DDOST: variants seen among roughly 807,000 people sequenced by gnomAD.
DDOST encodes dolichyl-diphosphooligosaccharide--protein glycosyltransferase 48 kDa subunit.
DDOST carries 25 observed loss-of-function variants against 47.6 expected under a neutral mutation model. The observed-to-expected ratio is 0.53, with a 90% confidence interval of 0.38 to 0.73. DDOST has a LOEUF of 0.73. DDOST is among the 30% of genes least tolerant of loss of function. The pLI, the probability that DDOST is intolerant of heterozygous loss-of-function variation, is 0.00. For missense variants in DDOST, 526 were observed against 573.9 expected, an observed-to-expected ratio of 0.92 and a Z score of 0.85; for synonymous variants, 275 against 236.0, an observed-to-expected ratio of 1.17 and a Z score of -1.51.
At chr1:20,653,556 T>TAA in intron 8 of DDOST, 71 bp downstream of exon 8, 1 of 1,461,730 alleles carries the variant, frequency 6.8e-7, no homozygotes, top group Non-Finnish European at 9.2e-7. Flanking sequence ...AAGTGTTCAA[T>TAA]AAGTGCTTCT....
At chr1:20,654,590 G>T in intron 6 of DDOST, 24 bp downstream of exon 6, 1 of 1,535,556 alleles carries the variant, frequency 6.5e-7, no homozygotes, top group Non-Finnish European at 8.8e-7. Flanking sequence ...TTATTTCGAA[G>T]CCTCAAGGTT....
In DDOST at chr1:20,655,722, GTT is replaced by G; in HGVS notation, c.408_409del (p.Lys136AsnfsTer5). 1 of 1,614,146 alleles carries G rather than the reference GTT, an allele frequency of 6.2e-7. No individual in the cohort carries two copies. Among genetic ancestry groups the G allele is most frequent in the South Asian group, 1.1e-5 (1 of 91,088 alleles). On this transcript the variant is annotated frameshift_variant, in exon 4 of 11. Coordinates refer to ENST00000602624, the MANE Select transcript of DDOST (RefSeq NM_005216.5). LOFTEE classifies it high-confidence loss of function. ...ATAGTTGTGATGGTCAATGACAGCC[GTT>G]TTCTCCTCGTCAAACTCAATCCCGC...
intron 2 of DDOST, among the ~76,000 whole-genome samples, chr1:20,658,512 C>T (rs769539515): frequency 6.6e-6 from 1 of 152,258 alleles, no homozygotes; most frequent in Non-Finnish European, 1.5e-5. Flanking sequence ...GGCAGCAACG[C>T]GAATGCGGGA....
rs765199287 is a variant in DDOST at position 20,654,624 on chromosome 1, G to A, written c.635C>T (p.Pro212Leu). The part of the protein sequence containing the change: ...STSYSFFPDK[P>L]ITQYPHAVGK... ...TTGTGAAGCCCTTACCTGGGTGATA[G>A]GCTTGTCCGGGAAGAAGGAGTAAGA... is the stretch of plus-strand genomic sequence containing the variant. The change falls in exon 6 of 11, where the codon CCT becomes CTT. Residue 212 changes from proline to leucine, a missense_variant. By Grantham distance (98) the Pro-to-Leu change is moderately conservative (BLOSUM62 -3). Transcript: ENST00000602624. 12 of 1,562,226 alleles carry A rather than the reference G, an allele frequency of 7.7e-6. No homozygotes were observed. In the Admixed American group the frequency reaches 2.1e-4, roughly 27 times the overall value.
Position 20,653,668 on chromosome 1 carries a change from C to T in DDOST, c.901G>A (p.Glu301Lys), listed in dbSNP as rs998783210. Residue 301 changes from glutamate (E) to lysine (K), a missense_variant, in exon 8 of 11, where the codon GAG (glutamate) becomes AAG (lysine). Physicochemically the swap from Glu to Lys is moderately conservative, Grantham distance 56. Transcript: ENST00000602624. ...GTGTAGGCATTGGGTGGGGCTGTCT[C>T]GCCCACCCGATGATGGGACACAGGC... is the stretch of plus-strand genomic sequence containing the variant. The part of the protein sequence containing the change: ...VGPVSHHRVG[E>K]TAPPNAYTVT... 6.8e-6 allele frequency: 11 copies of T among 1,613,612 alleles called. No homozygotes were observed. The highest frequency in any genetic ancestry group is 1.3e-5 in the African/African-American group (1 of 75,062).
intron 8 of DDOST, 66 bp downstream of exon 8, chr1:20,653,561 G>C: frequency 6.8e-7 from 1 of 1,472,242 alleles, no homozygotes; most frequent in Non-Finnish European, 9.1e-7. Flanking sequence ...TTCAATAAGT[G>C]CTTCTGAGCT....
At position 20,652,942 on chromosome 1, in the gene DDOST, TGA is replaced by T; in HGVS notation, c.970_971del (p.Ser324LysfsTer8). The T allele has an allele frequency of 6.2e-7, 1 of 1,614,220 alleles. No homozygotes were observed. Among genetic ancestry groups the T allele is most frequent in the Non-Finnish European group, 8.5e-7 (1 of 1,180,032 alleles). The part of the protein sequence containing the change: ...VEYSIVIQQL[S>X]NGKWVPFDGD... The stretch of plus-strand genomic sequence containing the variant: ...CATCAAAGGGGACCCATTTGCCATT[TGA>T]GAGCTGCTGGATCACGATGCTATAC... On this transcript the variant is annotated frameshift_variant, in exon 9 of 11. Transcript: ENST00000602624. LOFTEE classifies it high-confidence loss of function.
In DDOST at chr1:20,653,666, C is replaced by G. The variant is rs144834631; in HGVS notation, c.903G>C (p.Glu301Asp). The change falls in exon 8 of 11, where the codon GAG becomes GAC. Residue 301 changes from glutamate to aspartate, a missense_variant. Glu to Asp is a conservative substitution (Grantham distance 45). Coordinates refer to ENST00000602624, the MANE Select transcript of DDOST (RefSeq NM_005216.5). Reference protein sequence around the residue: ...VGPVSHHRVGETAPPNAYTVT... With the variant: ...VGPVSHHRVGDTAPPNAYTVT... ...CAGTGTAGGCATTGGGTGGGGCTGT[C>G]TCGCCCACCCGATGATGGGACACAG... 26 of 1,613,332 alleles carry G rather than the reference C, an allele frequency of 1.6e-5. No homozygotes were observed. The African/African-American group carries it at 2.9e-4, about 18-fold the overall frequency.
chr1:20,653,790 A>G lies in DDOST; in HGVS notation c.795-16T>C. 6.2e-7 allele frequency: 1 copy of G among 1,608,320 alleles called. No homozygotes were observed. The highest frequency in any genetic ancestry group is 8.5e-7 in the Non-Finnish European group (1 of 1,176,068). On this transcript the variant is annotated splice_polypyrimidine_tract_variant and intron_variant, in intron 7 of 10. Transcript: ENST00000602624. ...CTGGGAATACCTGCAGGAGGGAAACAGGAGCAGCTTGGGCACCAGAGCCAC... is the reference window on the plus strand; with the variant it reads ...CTGGGAATACCTGCAGGAGGGAAACGGGAGCAGCTTGGGCACCAGAGCCAC...
chr1:20,656,323 G>A (rs1313151127), intron 2 of DDOST, 136 bp from the exon 3 acceptor site: 2 of 658,970 alleles, frequency 3.0e-6, no homozygotes, highest in East Asian at 5.5e-5. Flanking sequence ...CACAATGAGG[G>A]AGAGGCTTCC....
At chr1:20,653,495 G>A in intron 8 of DDOST, 132 bp downstream of exon 8, 1 of 911,044 alleles carries the variant, frequency 1.1e-6, no homozygotes, top group Non-Finnish European at 1.6e-6. Flanking sequence ...GCATGCTTAG[G>A]TGTAGGGATT....
chr1:20,658,525 C>T (rs893336123), intron 2 of DDOST, among the ~76,000 whole-genome samples: 2 of 152,266 alleles, frequency 1.3e-5, no homozygotes, highest in African/African-American at 4.8e-5. Context: ...ATGCGGGAAC[C>T]GGGCTTTAAA....
intron 2 of DDOST, among the ~76,000 whole-genome samples, chr1:20,659,481 C>T (rs1028228653): frequency 6.6e-6 from 1 of 152,156 alleles, no homozygotes; most frequent in African/African-American, 2.4e-5. Flanking sequence ...AAAACTCCTC[C>T]AGGGCAGACT....
chr1:20,652,393 C>T lies in DDOST; in HGVS notation c.1306G>A (p.Glu436Lys). The T allele has an allele frequency of 1.2e-6, 2 of 1,612,906 alleles. No individual in the cohort carries two copies. The highest frequency in any genetic ancestry group is 1.7e-6 in the Non-Finnish European group (2 of 1,179,454). Reference sequence around the variant, plus strand: ...GCTCTAGCCCCTCAGTCGGACTTCTCCTTCTCCTTCATGTGCAAGAAGACG... The same window carrying T: ...GCTCTAGCCCCTCAGTCGGACTTCTTCTTCTCCTTCATGTGCAAGAAGACG... ...SIVFLHMKEK[E>K]KSD is the part of the protein sequence containing the mutation. The change falls in exon 11 of 11, where the codon GAG becomes AAG. Residue 436 changes from glutamate (E) to lysine (K), a missense_variant. Coordinates refer to ENST00000602624, the MANE Select transcript of DDOST (RefSeq NM_005216.5).
chr1:20,658,122 C>T (rs1295255935), intron 2 of DDOST, among the ~76,000 whole-genome samples: 1 of 152,242 alleles, frequency 6.6e-6, no homozygotes, highest in African/African-American at 2.4e-5. Context: ...AAATCGAGAC[C>T]ACCTGGAGTT....
intron 8 of DDOST, chr1:20,653,214 A>G: frequency 1.8e-6 from 1 of 569,040 alleles, no homozygotes; most frequent in Non-Finnish European, 3.1e-6. Flanking sequence ...TTCACACAGT[A>G]TTCATGGCCC....
chr1:20,659,428 G>A (rs961624108), intron 2 of DDOST, among the ~76,000 whole-genome samples: 1 of 152,052 alleles, frequency 6.6e-6, no homozygotes, highest in Non-Finnish European at 1.5e-5. Flanking sequence ...CACAGGGTTT[G>A]GTAACTCATT....
chr1:20,661,149 T>C (rs761600319), intron 1 of DDOST, 48 bp downstream of exon 1: 13 of 1,591,294 alleles, frequency 8.2e-6, no homozygotes, highest in Non-Finnish European at 1.1e-5. Flanking sequence ...CTCGATGCTG[T>C]ACCAACCCCA....
Position 20,652,352 on chromosome 1 carries a change from A to G in DDOST, c.*27T>C. Reference sequence around the variant, plus strand: ...TAACCCCCCTCCTTGCCCCGTCTCCACGCTGTGCGGAGAGGGCTCTAGCCC... The same window carrying G: ...TAACCCCCCTCCTTGCCCCGTCTCCGCGCTGTGCGGAGAGGGCTCTAGCCC... On this transcript the variant is annotated 3_prime_UTR_variant, in exon 11 of 11. Coordinates refer to ENST00000602624, the MANE Select transcript of DDOST (RefSeq NM_005216.5). 1.3e-6 allele frequency: 2 copies of G among 1,576,858 alleles called. No individual in the cohort carries two copies. Among genetic ancestry groups the G allele is most frequent in the Non-Finnish European group, 1.7e-6 (2 of 1,162,586 alleles).
Sources: gnomAD v4.1 joint callset for allele counts (sites outside exome capture counted in the v4.1 genomes callset) on GRCh38, gnomAD v4.1.1 for gene constraint, MANE v1.5 for transcripts, NCBI Gene and HGNC (gene_info 2026-07-23, HGNC 2026-07-21) for gene names.